The following CAPN11 variants were observed in gnomAD, a reference collection of about 807,000 sequenced individuals.
CAPN11 encodes calpain 11.
Under a neutral mutation model 105.3 loss-of-function variants are expected in CAPN11, and 108 were observed. That is an observed-to-expected ratio of 1.03 (90% confidence interval 0.88 to 1.20). CAPN11 has a LOEUF of 1.20. Ranked by LOEUF, CAPN11 falls within the 50% of genes most tolerant of loss-of-function variation. CAPN11 has a pLI of 0.00. For missense variants in CAPN11, 883 were observed against 924.8 expected (o/e 0.95, Z 0.59); for synonymous variants, 329 against 344.5 (o/e 0.96, Z 0.50).
chr6:44,180,722 G>A (rs1330339966), intron 16 of CAPN11, 26 bp from the exon 17 acceptor site: 1 of 1,613,630 alleles, frequency 6.2e-7, no homozygotes, highest in South Asian at 1.1e-5. Flanking sequence ...AGGGGCCCGA[G>A]TGGGGTTCAC....
intron 1 of CAPN11, 70 bp from the exon 2 acceptor site, chr6:44,166,687 AG>A: frequency 8.7e-7 from 1 of 1,153,984 alleles, no homozygotes; most frequent in South Asian, 1.3e-5. Flanking sequence ...CCTACACCCC[AG>A]CCCCAGCTGG....
intron 4 of CAPN11, among the ~76,000 whole-genome samples, chr6:44,170,685 G>A (rs9394989): frequency 0.039 from 5,982 of 152,236 alleles, 144 homozygotes; most frequent in East Asian, 0.13. Flanking sequence ...ACACTCAAGA[G>A]GAGAGGAATT....
chr6:44,180,144 G>T lies in CAPN11; in HGVS notation c.1621G>T (p.Glu541Ter), dbSNP rs181079254. ...DADFLLRVFT[E>*]KHSESWELDE... ...TGACTTCCTGCTTCGGGTCTTCACC[G>T]AGAAGCACAGCGAGTCATGGTAAGG... The change falls in exon 14 of 23, where the codon GAG (glutamate) becomes TAG (stop). Residue 541 changes from glutamate (E) to a stop codon, truncating the protein, a stop_gained. Transcript: ENST00000398776. LOFTEE classifies it high-confidence loss of function. The T allele has an allele frequency of 7.9e-5, 127 of 1,611,360 alleles. 3 individuals are homozygous for T. The East Asian group carries it at 2.6e-3, about 33-fold the overall frequency.
At chr6:44,161,177 GT>G (rs72414684) in intron 1 of CAPN11, among the ~76,000 whole-genome samples, 47,875 of 143,454 alleles carry the variant, frequency 0.33, 7,746 homozygotes, top group East Asian at 0.38. Flanking sequence ...TTTCTTTTGG[GT>G]TTTTTTTTTT....
chr6:44,176,185 C>T, intron 8 of CAPN11, 34 bp downstream of exon 8: 4 of 1,378,020 alleles, frequency 2.9e-6, no homozygotes, highest in Non-Finnish European at 4.0e-6. Context: ...ACCCTGAGGA[C>T]CCTGAGAAGG....
intron 1 of CAPN11, among the ~76,000 whole-genome samples, chr6:44,164,453 A>G (rs1769449209): frequency 6.6e-6 from 1 of 152,244 alleles, no homozygotes; most frequent in Non-Finnish European, 1.5e-5. Context: ...ACTCAGTAGT[A>G]TACAAGGTGG....
In CAPN11 at chr6:44,183,997, G is replaced by A; in HGVS notation, c.*65G>A. On this transcript the variant is annotated 3_prime_UTR_variant, in exon 23 of 23. Coordinates refer to ENST00000398776, the MANE Select transcript of CAPN11 (RefSeq NM_007058.4). ...AGCAGCGAGGTTCTAGCCCAGGAGG[G>A]TGGGGTGCTTCTTGTAGCCCTCAGC... The A allele has an allele frequency of 1.3e-6, 2 of 1,534,072 alleles. No homozygotes were observed. The highest frequency in any genetic ancestry group is 4.9e-5 in the East Asian group (2 of 40,818).
chr6:44,181,542 C>CAT (rs1773347996), intron 19 of CAPN11, among the ~76,000 whole-genome samples: 1 of 102,368 alleles, frequency 9.8e-6, no homozygotes, highest in Non-Finnish European at 2.1e-5. Context: ...CACACTCACA[C>CAT]ACACACACAC....
Position 44,169,268 on chromosome 6 carries a change from T to A in CAPN11, c.89-13T>A. 3 of 1,590,254 alleles carry A rather than the reference T, an allele frequency of 1.9e-6. No individual in the cohort carries two copies. Among genetic ancestry groups the A allele is most frequent in the Non-Finnish European group, 2.6e-6 (3 of 1,169,012 alleles). ...TTTTACTTGCGTTATTTCTCTTTTTTTTTCTTAAGCAGAGCCCACTTTTAC... is the reference window on the plus strand; with the variant it reads ...TTTTACTTGCGTTATTTCTCTTTTTATTTCTTAAGCAGAGCCCACTTTTAC... On this transcript the variant is annotated splice_polypyrimidine_tract_variant and intron_variant, in intron 2 of 22. Coordinates refer to ENST00000398776, the MANE Select transcript of CAPN11 (RefSeq NM_007058.4).
rs1354586730 is a variant in CAPN11 at position 44,169,274 on chromosome 6, TAAGCAGAGCCCAC to T, written c.89-6_95del. On this transcript the variant is annotated splice_acceptor_variant and splice_polypyrimidine_tract_variant and coding_sequence_variant and intron_variant, in exon 3 of 23. Coordinates refer to ENST00000398776, the MANE Select transcript of CAPN11 (RefSeq NM_007058.4). LOFTEE classifies it high-confidence loss of function. Reference sequence around the variant, plus strand: ...TTGCGTTATTTCTCTTTTTTTTTCTTAAGCAGAGCCCACTTTTACTGATACGGGAATGGTGGCT... The same window carrying T: ...TTGCGTTATTTCTCTTTTTTTTTCTTTTTTACTGATACGGGAATGGTGGCT... The T allele has an allele frequency of 6.3e-7, 1 of 1,594,862 alleles. No individual in the cohort carries two copies. Among genetic ancestry groups the T allele is most frequent in the African/African-American group, 1.4e-5 (1 of 73,814 alleles).
intron 4 of CAPN11, among the ~76,000 whole-genome samples, chr6:44,171,645 T>C (rs1373930125): frequency 2.0e-5 from 3 of 152,044 alleles, no homozygotes; most frequent in African/African-American, 7.2e-5. Flanking sequence ...CTAGGCAGCA[T>C]AGTGAGACTC....
At chr6:44,165,151 A>T (rs1445249874) in intron 1 of CAPN11, among the ~76,000 whole-genome samples, 1 of 152,188 alleles carries the variant, frequency 6.6e-6, no homozygotes, top group Non-Finnish European at 1.5e-5. Context: ...AGCCTCCAAA[A>T]GTGCTGAGAT....
chr6:44,169,227 C>A, intron 2 of CAPN11, 54 bp from the exon 3 acceptor site: 2 of 1,524,960 alleles, frequency 1.3e-6, no homozygotes, highest in Non-Finnish European at 8.8e-7. Context: ...AACCACTGTG[C>A]CCAGCTTATT....
At chr6:44,167,497 C>CAA (rs61107654) in intron 2 of CAPN11, among the ~76,000 whole-genome samples, 1,466 of 26,798 alleles carry the variant, frequency 0.055, 150 homozygotes, top group African/African-American at 0.094. Context: ...GACTCCATCT[C>CAA]AAAAAAAAAA....
At chr6:44,180,397 C>T in intron 14 of CAPN11, 63 bp from the exon 15 acceptor site, 2 of 1,507,922 alleles carry the variant, frequency 1.3e-6, no homozygotes, top group Non-Finnish European at 1.8e-6. Context: ...CCCCAGAGCA[C>T]CCCACTAAAA....
At chr6:44,161,765 A>G (rs1768852539) in intron 1 of CAPN11, 1 of 455,974 alleles carries the variant, frequency 2.2e-6, no homozygotes, top group Non-Finnish European at 4.4e-6. Flanking sequence ...TTCTCAAACA[A>G]CAGCATCTTC....
intron 19 of CAPN11, among the ~76,000 whole-genome samples, 170 bp downstream of exon 19, chr6:44,181,490 C>CCACACT (rs1561853997): frequency 2.1e-5 from 1 of 47,860 alleles, no homozygotes; most frequent in African/African-American, 9.8e-5. Context: ...CACAACCACA[C>CCACACT]CACACACACA....
Position 44,169,998 on chromosome 6 carries a change from G to A in CAPN11, c.409+23G>A, listed in dbSNP as rs181949159. The A allele has an allele frequency of 1.7e-4, 270 of 1,587,382 alleles. 2 individuals are homozygous for A. In the African/African-American group the frequency reaches 3.1e-3, roughly 18 times the overall value. The stretch of plus-strand genomic sequence containing the variant: ...TCGGTGAGTGGGGCACAGGAAGCTG[G>A]TCTCCACCTGGGCAAGAGGATTGGG... On this transcript the variant is annotated intron_variant, in intron 4 of 22. Transcript: ENST00000398776.
rs758064548 is a variant in CAPN11 at position 44,183,903 on chromosome 6, C to T, written c.2194-3C>T. 1 of 1,558,912 alleles carries T rather than the reference C, an allele frequency of 6.4e-7. No individual in the cohort carries two copies. Among genetic ancestry groups the T allele is most frequent in the African/African-American group, 1.4e-5 (1 of 73,528 alleles). On this transcript the variant is annotated splice_polypyrimidine_tract_variant and splice_region_variant and intron_variant, in intron 22 of 22. Coordinates refer to ENST00000398776, the MANE Select transcript of CAPN11 (RefSeq NM_007058.4). ...CCCTGGGATCTGCTTCCTGTCTCCA[C>T]AGTGGCTGCAGATGACCATGTGGGG...
Sources: allele counts gnomAD v4.1 joint callset (sites outside exome capture counted in the v4.1 genomes callset), GRCh38; gene constraint gnomAD v4.1.1; transcripts MANE v1.5; gene names NCBI Gene and HGNC (gene_info 2026-07-23, HGNC 2026-07-21).